WWOX: variants seen among roughly 807,000 people sequenced by gnomAD.
WWOX encodes WW domain containing oxidoreductase, also known as WW domain-containing oxidoreductase.
In WWOX, 69 loss-of-function variants were observed where a neutral mutation model predicts 46.2. The ratio of observed to expected loss-of-function variants is 1.49; its 90% confidence interval spans 1.23 to 1.82. WWOX has a LOEUF of 1.82. WWOX is among the 40% of genes most tolerant of loss of function. The pLI, the probability that WWOX is intolerant of heterozygous loss-of-function variation, is 0.00. For synonymous variants in WWOX, 359 were observed against 202.6 expected, an observed-to-expected ratio of 1.77 and a Z score of -6.56; for missense variants, 919 against 542.6, an observed-to-expected ratio of 1.69 and a Z score of -6.89.
chr16:79,066,352 C>T (rs903540920), intron 8 of WWOX, among the ~76,000 whole-genome samples: 1 of 152,114 alleles, frequency 6.6e-6, no homozygotes, highest in Admixed American at 6.5e-5. Flanking sequence ...TCTGTGTCAC[C>T]CAGTGGGACA....
At chr16:78,995,552 C>T (rs1030030657) in intron 8 of WWOX, among the ~76,000 whole-genome samples, 1 of 151,516 alleles carries the variant, frequency 6.6e-6, no homozygotes, top group African/African-American at 2.4e-5. Context: ...AATATGGTTG[C>T]CACTGTCTTT....
At chr16:78,226,437 C>G (rs1292845239) in intron 5 of WWOX, among the ~76,000 whole-genome samples, 1 of 151,058 alleles carries the variant, frequency 6.6e-6, no homozygotes, top group Non-Finnish European at 1.5e-5. Context: ...GAAGACCCTT[C>G]TTTCCTTTCC....
At chr16:78,571,758 C>T (rs2044720882) in intron 8 of WWOX, among the ~76,000 whole-genome samples, 2 of 152,082 alleles carry the variant, frequency 1.3e-5, no homozygotes, top group African/African-American at 4.8e-5. Context: ...ATCCCAGCTA[C>T]TCGGGAGGGT....
chr16:78,330,474 A>G (rs2080728754), intron 5 of WWOX, among the ~76,000 whole-genome samples: 1 of 151,676 alleles, frequency 6.6e-6, no homozygotes, highest in South Asian at 2.1e-4. Flanking sequence ...TCAGCTCACT[A>G]CAATCTCTGC....
At chr16:79,018,425 C>G (rs1165498930) in intron 8 of WWOX, among the ~76,000 whole-genome samples, 2 of 152,128 alleles carry the variant, frequency 1.3e-5, no homozygotes, top group African/African-American at 2.4e-5. Flanking sequence ...GATACTTTAT[C>G]CAAAAGCGGA....
At chr16:78,782,944 T>G (rs1206697507) in intron 8 of WWOX, among the ~76,000 whole-genome samples, 1 of 152,206 alleles carries the variant, frequency 6.6e-6, no homozygotes, top group African/African-American at 2.4e-5. Context: ...GGCATAGATT[T>G]CTCATACATC....
At chr16:78,657,844 GT>G (rs916524304) in intron 8 of WWOX, among the ~76,000 whole-genome samples, 3 of 151,908 alleles carry the variant, frequency 2.0e-5, no homozygotes, top group Non-Finnish European at 4.4e-5. Flanking sequence ...TTTGTTTTTT[GT>G]TTTTTTGTTT....
At chr16:79,041,338 T>G (rs2047966984) in intron 8 of WWOX, among the ~76,000 whole-genome samples, 1 of 152,118 alleles carries the variant, frequency 6.6e-6, no homozygotes. Context: ...CTCTCTGAGC[T>G]CACCCTCTCT....
chr16:78,608,021 G>A (rs149929932), intron 8 of WWOX, among the ~76,000 whole-genome samples: 5 of 152,166 alleles, frequency 3.3e-5, no homozygotes, highest in Non-Finnish European at 5.9e-5. Context: ...CTAGTCAACC[G>A]CAACACAAAT....
chr16:79,182,582 A>C (rs2050934132), intron 8 of WWOX, among the ~76,000 whole-genome samples: 1 of 152,112 alleles, frequency 6.6e-6, no homozygotes, highest in Non-Finnish European at 1.5e-5. Flanking sequence ...GTGCTTTTAA[A>C]GTAGAATATC....
At chr16:79,015,345 GTGTGACCTTCCACA>G (rs1406607127) in intron 8 of WWOX, among the ~76,000 whole-genome samples, 1 of 152,176 alleles carries the variant, frequency 6.6e-6, no homozygotes, top group Non-Finnish European at 1.5e-5. Context: ...ATTTCCAGCC[GTGTGACCTTCCACA>G]TGCTTTTTGA....
At chr16:78,222,269 C>T (rs1017229) in intron 5 of WWOX, among the ~76,000 whole-genome samples, 1,709 of 151,172 alleles carry the variant, frequency 0.011, 19 homozygotes, top group African/African-American at 0.024. Flanking sequence ...TCATTTCCAA[C>T]GCGTATTTCT....
At chr16:78,271,078 G>A (rs568073071) in intron 5 of WWOX, among the ~76,000 whole-genome samples, 1 of 152,324 alleles carries the variant, frequency 6.6e-6, no homozygotes, top group South Asian at 2.1e-4. Flanking sequence ...TCGATCTTTA[G>A]AATTACATCA....
chr16:78,374,676 G>A (rs1225454991), intron 5 of WWOX, among the ~76,000 whole-genome samples: 1 of 151,552 alleles, frequency 6.6e-6, no homozygotes, highest in Non-Finnish European at 1.5e-5. Flanking sequence ...AGCCTCCCGA[G>A]TAGCTGGAAC....
intron 4 of WWOX, among the ~76,000 whole-genome samples, chr16:78,158,088 G>A (rs2034665315): frequency 6.6e-6 from 1 of 152,168 alleles, no homozygotes; most frequent in South Asian, 2.1e-4. Context: ...TGTCCAACTT[G>A]AGTTTTCCTC....
intron 8 of WWOX, among the ~76,000 whole-genome samples, chr16:79,034,323 A>G (rs2047823832): frequency 1.3e-5 from 2 of 152,216 alleles, no homozygotes; most frequent in Admixed American, 6.5e-5. Context: ...CTTTCCTGAC[A>G]TCCATTTGGG....
chr16:78,663,866 G>C (rs531427514), intron 8 of WWOX, among the ~76,000 whole-genome samples: 4 of 152,166 alleles, frequency 2.6e-5, no homozygotes, highest in Non-Finnish European at 2.9e-5. Context: ...AAACACACTC[G>C]ATGTGTTCAA....
intron 8 of WWOX, among the ~76,000 whole-genome samples, chr16:78,642,468 A>C (rs1395140455): frequency 1.3e-5 from 2 of 151,860 alleles, no homozygotes; most frequent in Non-Finnish European, 2.9e-5. Context: ...TGTCGACTTT[A>C]CTGAGCTCCA....
intron 8 of WWOX, among the ~76,000 whole-genome samples, chr16:78,726,428 C>A (rs1049421950): frequency 6.6e-6 from 1 of 151,904 alleles, no homozygotes; most frequent in Non-Finnish European, 1.5e-5. Flanking sequence ...GCGGGGAGGT[C>A]TCCCTGTGTT....
Sources: allele counts gnomAD v4.1 joint callset (sites outside exome capture counted in the v4.1 genomes callset), GRCh38; gene constraint gnomAD v4.1.1; transcripts MANE v1.5; gene names NCBI Gene and HGNC (gene_info 2026-07-23, HGNC 2026-07-21).